Variants in CWC27 observed in about 807,000 individuals in gnomAD.
CWC27 encodes spliceosome-associated protein CWC27 homolog.
A neutral mutation model predicts 63.6 loss-of-function variants in CWC27; 47 were observed. That is an observed-to-expected ratio of 0.74 (90% CI 0.58 to 0.94). CWC27 has a LOEUF of 0.94. Ranked by LOEUF, CWC27 falls within the 40% of genes least tolerant of loss-of-function variation. CWC27 has a pLI of 0.00. For synonymous variants in CWC27, 175 were observed against 179.8 expected (o/e 0.97, Z 0.22); for missense variants, 495 against 554.3 (o/e 0.89, Z 1.07).
At chr5:64,885,410 T>G (rs1222367219) in intron 10 of CWC27, 33 bp from the exon 11 acceptor site, 4 of 1,448,838 alleles carry the variant, frequency 2.8e-6, no homozygotes, top group African/African-American at 1.4e-5. Context: ...TCTCAATATA[T>G]TATATACTTA....
At chr5:64,991,717 G>A (rs1442403562) in intron 13 of CWC27, among the ~76,000 whole-genome samples, 2 of 152,162 alleles carry the variant, frequency 1.3e-5, no homozygotes, top group African/African-American at 4.8e-5. Context: ...CAGAGACCCT[G>A]TCTCTAAAAA....
At chr5:64,887,980 G>C (rs1214818649) in intron 11 of CWC27, among the ~76,000 whole-genome samples, 1 of 152,042 alleles carries the variant, frequency 6.6e-6, no homozygotes, top group Non-Finnish European at 1.5e-5. Context: ...GCTCCTAATA[G>C]CACTCTAACA....
intron 10 of CWC27, among the ~76,000 whole-genome samples, chr5:64,832,688 A>G (rs1012495852): frequency 6.6e-6 from 1 of 151,818 alleles, no homozygotes; most frequent in Non-Finnish European, 1.5e-5. Context: ...AGGATATTAA[A>G]TGAAACTGGC....
At chr5:64,783,761 T>C in intron 3 of CWC27, 75 bp from the exon 4 acceptor site, 1 of 1,266,508 alleles carries the variant, frequency 7.9e-7, no homozygotes, top group South Asian at 2.0e-5. Flanking sequence ...TATGGGACCT[T>C]GCAGGTCAAG....
chr5:64,827,964 T>C (rs897839766), intron 10 of CWC27, among the ~76,000 whole-genome samples: 1 of 152,150 alleles, frequency 6.6e-6, no homozygotes, highest in African/African-American at 2.4e-5. Context: ...GCTAGCTGCC[T>C]GGTAGTCACT....
At chr5:64,930,664 A>G (rs950920294) in intron 11 of CWC27, among the ~76,000 whole-genome samples, 1 of 152,182 alleles carries the variant, frequency 6.6e-6, no homozygotes, top group East Asian at 1.9e-4. Context: ...GATGAAGAAC[A>G]GTATATTGGC....
At chr5:64,854,772 C>G (rs182866550) in intron 10 of CWC27, among the ~76,000 whole-genome samples, 5 of 152,062 alleles carry the variant, frequency 3.3e-5, no homozygotes, top group African/African-American at 9.6e-5. Context: ...TCATAAATAC[C>G]CATCACTGTC....
intron 10 of CWC27, among the ~76,000 whole-genome samples, chr5:64,868,081 A>C (rs1196048846): frequency 6.6e-6 from 1 of 152,050 alleles, no homozygotes; most frequent in African/African-American, 2.4e-5. Flanking sequence ...GTGGAGTATC[A>C]GCCACAAAGC....
chr5:65,012,543 C>T lies in CWC27; in HGVS notation c.1257-5616C>T, dbSNP rs547429596. Among the ~76,000 whole-genome samples, 12 of 152,292 alleles carry T rather than the reference C, an allele frequency of 7.9e-5. No homozygotes were observed. The South Asian group carries it at 2.5e-3, about 32-fold the overall frequency. Reference sequence around the variant, plus strand: ...ATTGTTTACTTCATGGAAGTAGGGCCTGGGTCATATTTGGCTTTGTTTTAC... The same window carrying T: ...ATTGTTTACTTCATGGAAGTAGGGCTTGGGTCATATTTGGCTTTGTTTTAC... On this transcript the variant is annotated intron_variant, in intron 13 of 13. Coordinates refer to ENST00000381070, the MANE Select transcript of CWC27 (RefSeq NM_005869.4).
At chr5:64,916,339 A>G (rs1026466200) in intron 11 of CWC27, among the ~76,000 whole-genome samples, 3 of 152,230 alleles carry the variant, frequency 2.0e-5, no homozygotes, top group Non-Finnish European at 4.4e-5. Flanking sequence ...CTTTAAAGTC[A>G]GAAAAACCTA....
At chr5:64,996,752 A>G (rs1749640596) in intron 13 of CWC27, among the ~76,000 whole-genome samples, 1 of 151,992 alleles carries the variant, frequency 6.6e-6, no homozygotes, top group Non-Finnish European at 1.5e-5. Flanking sequence ...CTTATATGTA[A>G]TATCACATTT....
chr5:64,933,842 G>A (rs1748290394), intron 11 of CWC27, among the ~76,000 whole-genome samples: 1 of 152,070 alleles, frequency 6.6e-6, no homozygotes, highest in African/African-American at 2.4e-5. Context: ...AGTGATACCA[G>A]GTCTTTACCC....
At chr5:64,985,265 T>G (rs1158308542) in intron 13 of CWC27, among the ~76,000 whole-genome samples, 1 of 152,214 alleles carries the variant, frequency 6.6e-6, no homozygotes, top group Non-Finnish European at 1.5e-5. Flanking sequence ...CTTTTGCCCT[T>G]TCCATAAAAG....
At chr5:64,966,807 T>G (rs1180980642) in intron 11 of CWC27, among the ~76,000 whole-genome samples, 2 of 152,166 alleles carry the variant, frequency 1.3e-5, no homozygotes, top group Non-Finnish European at 2.9e-5. Context: ...TTGATGCTAT[T>G]GATAATAGGT....
chr5:64,786,301 T>A (rs1456112007), intron 5 of CWC27, among the ~76,000 whole-genome samples: 2 of 152,142 alleles, frequency 1.3e-5, no homozygotes, highest in African/African-American at 4.8e-5. Flanking sequence ...TTTTGTAAAA[T>A]GGGGATAAAA....
intron 13 of CWC27, among the ~76,000 whole-genome samples, chr5:64,986,084 T>C (rs1749419765): frequency 6.6e-6 from 1 of 152,090 alleles, no homozygotes; most frequent in Admixed American, 6.5e-5. Flanking sequence ...CTTGCATTTC[T>C]CTCTCCTGCC....
chr5:64,777,742 A>G (rs1364987677), intron 2 of CWC27, among the ~76,000 whole-genome samples: 4 of 152,166 alleles, frequency 2.6e-5, no homozygotes, highest in African/African-American at 7.2e-5. Context: ...ATGCATAAAA[A>G]TTTAAGAAAA....
At chr5:64,955,100 C>A (rs1307457463) in intron 11 of CWC27, among the ~76,000 whole-genome samples, 1 of 152,004 alleles carries the variant, frequency 6.6e-6, no homozygotes, top group East Asian at 1.9e-4. Context: ...TATCTACTCC[C>A]TGCTTCTTCA....
chr5:64,983,989 G>T (rs765450668), intron 13 of CWC27, among the ~76,000 whole-genome samples: 1 of 151,814 alleles, frequency 6.6e-6, no homozygotes, highest in Non-Finnish European at 1.5e-5. Flanking sequence ...GCACCACCAC[G>T]CCCGGCTAAT....
Sources: gnomAD v4.1 joint callset for allele counts (sites outside exome capture counted in the v4.1 genomes callset) on GRCh38, gnomAD v4.1.1 for gene constraint, MANE v1.5 for transcripts, NCBI Gene and HGNC (gene_info 2026-07-23, HGNC 2026-07-21) for gene names.